Variants in PBX1 observed in about 807,000 individuals in gnomAD.
The protein encoded by PBX1 is PBX homeobox 1, also known as pre-B-cell leukemia transcription factor 1.
A neutral mutation model predicts 53.4 loss-of-function variants in PBX1; 6 were observed. That is an observed-to-expected ratio of 0.11 (90% CI 0.06 to 0.22). The LOEUF is 0.22. Among genes scored for constraint, PBX1 ranks in the 10% least tolerant of loss-of-function variants. The pLI, the probability that PBX1 is intolerant of heterozygous loss-of-function variation, is 1.00. For missense variants in PBX1, 251 were observed against 551.4 expected (o/e 0.46, Z 5.46); for synonymous variants, 204 against 212.3 (o/e 0.96, Z 0.34).
At chr1:164,702,335 G>T (rs1056754306) in intron 2 of PBX1, among the ~76,000 whole-genome samples, 2 of 152,176 alleles carry the variant, frequency 1.3e-5, no homozygotes, top group African/African-American at 4.8e-5. Flanking sequence ...ACATTCATGG[G>T]CATGGGCTCA....
intron 2 of PBX1, chr1:164,771,162 G>A (rs971327126): frequency 6.6e-6 from 1 of 152,076 alleles, no homozygotes; most frequent in South Asian, 2.1e-4. Flanking sequence ...GAACAGTTCC[G>A]ACCAGGTACT....
chr1:164,732,809 C>T (rs1665070149), intron 2 of PBX1, among the ~76,000 whole-genome samples: 1 of 152,118 alleles, frequency 6.6e-6, no homozygotes, highest in Admixed American at 6.5e-5. Flanking sequence ...ACAGAAATTA[C>T]AGAAACCTTC....
rs1671659691 is a variant in PBX1, at chr1:164,848,091, CT to C, written c.*1419del. On this transcript the variant is annotated 3_prime_UTR_variant, in exon 9 of 9. Transcript: ENST00000420696. ...TGTATAAGAACGTGGCTCATGTGAA[CT>C]TTTGCTAGCTTCATTTGAGGACCTG... 1 of 1,052,280 alleles carries C rather than the reference CT, an allele frequency of 9.5e-7. No homozygotes were observed. Among genetic ancestry groups the C allele is most frequent in the Non-Finnish European group, 1.1e-6 (1 of 871,156 alleles). The allele number at this position is 1,052,280 out of a possible 1,614,324, so 65.2% of individuals were successfully genotyped here.
In PBX1 at chr1:164,881,881, C is replaced by T. The variant is rs556476791; in HGVS notation, n.258-17307C>T. Among the ~76,000 whole-genome samples, 5 of 152,320 alleles carry T rather than the reference C, an allele frequency of 3.3e-5. No individual in the cohort carries two copies. The East Asian group carries it at 9.7e-4, about 29-fold the overall frequency. ...ACAAAGAATCTTAGAAGCTCATTCA[C>T]TTTAGCAGCAGCTCACTCCAATGAG... is the stretch of plus-strand genomic sequence containing the variant. On this transcript the variant is annotated intron_variant and non_coding_transcript_variant, in intron 2 of 2. Coordinates refer to the PBX1 transcript ENST00000558796.
chr1:164,776,942 GGAGAGAGAGA>G (rs377054240), intron 2 of PBX1, among the ~76,000 whole-genome samples: 2 of 43,566 alleles, frequency 4.6e-5, no homozygotes, highest in East Asian at 7.2e-4. Context: ...TGTGGTGGGA[GGAGAGAGAGA>G]GAGAGAGAGA....
At chr1:164,715,898 C>T (rs1227624220) in intron 2 of PBX1, among the ~76,000 whole-genome samples, 1 of 152,166 alleles carries the variant, frequency 6.6e-6, no homozygotes, top group Non-Finnish European at 1.5e-5. Flanking sequence ...TCCTCTCATG[C>T]CTACACTATG....
intron 2 of PBX1, among the ~76,000 whole-genome samples, chr1:164,605,587 T>C (rs913475684): frequency 6.6e-6 from 1 of 152,204 alleles, no homozygotes; most frequent in Admixed American, 6.5e-5. Context: ...ACCCCGTTAA[T>C]TGAAACTCCA....
intron 8 of PBX1, chr1:164,829,931 T>A (rs1199070215): frequency 6.6e-6 from 1 of 152,152 alleles, no homozygotes; most frequent in Non-Finnish European, 1.5e-5. Flanking sequence ...AGCACGTTTT[T>A]CAAAATAAAC....
At chr1:164,594,876 T>G (rs1373837058) in intron 2 of PBX1, among the ~76,000 whole-genome samples, 2 of 152,188 alleles carry the variant, frequency 1.3e-5, no homozygotes, top group East Asian at 3.9e-4. Context: ...TCCAAATATT[T>G]AATTTTATAG....
chr1:164,607,792 A>G (rs1405481697), intron 2 of PBX1, among the ~76,000 whole-genome samples: 3 of 152,224 alleles, frequency 2.0e-5, no homozygotes, highest in Non-Finnish European at 4.4e-5. Flanking sequence ...CAGAGAGGCA[A>G]GAGAAAAATC....
chr1:164,654,457 A>G (rs184910036), intron 2 of PBX1, among the ~76,000 whole-genome samples: 1 of 152,212 alleles, frequency 6.6e-6, no homozygotes, highest in Non-Finnish European at 1.5e-5. Context: ...GGCCTTTGTC[A>G]TTAAATCCAC....
At chr1:164,568,455 A>C (rs1384857787) in intron 2 of PBX1, among the ~76,000 whole-genome samples, 1 of 152,152 alleles carries the variant, frequency 6.6e-6, no homozygotes, top group Non-Finnish European at 1.5e-5. Flanking sequence ...TCATTGCCAT[A>C]TTAACCTGAT....
chr1:164,779,041 AAT>A (rs1491409555), intron 2 of PBX1, among the ~76,000 whole-genome samples: 1 of 129,378 alleles, frequency 7.7e-6, no homozygotes, highest in Non-Finnish European at 1.6e-5. Flanking sequence ...CAAAGGAGAT[AAT>A]TTTTTTTTTT....
At chr1:164,571,672 C>A (rs2101712519) in intron 2 of PBX1, among the ~76,000 whole-genome samples, 2 of 149,782 alleles carry the variant, frequency 1.3e-5, no homozygotes, top group South Asian at 4.2e-4. Flanking sequence ...AATAATACTG[C>A]TATGAACATT....
At chr1:164,877,121 G>T (rs1168042036) in intron 2 of PBX1, among the ~76,000 whole-genome samples, 1 of 150,998 alleles carries the variant, frequency 6.6e-6, no homozygotes, top group African/African-American at 2.4e-5. Flanking sequence ...TCTCATTTTA[G>T]ATGGAAACAC....
chr1:164,699,814 G>C (rs1003246406), intron 2 of PBX1, among the ~76,000 whole-genome samples: 1 of 152,140 alleles, frequency 6.6e-6, no homozygotes, highest in Non-Finnish European at 1.5e-5. Context: ...AAGCCCAGCA[G>C]AAAGGGAGCT....
chr1:164,716,968 G>A (rs556829565), intron 2 of PBX1, among the ~76,000 whole-genome samples: 1 of 152,264 alleles, frequency 6.6e-6, no homozygotes, highest in East Asian at 1.9e-4. Context: ...GTGGGGAGTT[G>A]ATAGTTAAGA....
chr1:164,797,511 A>G (rs1668847058), intron 3 of PBX1, among the ~76,000 whole-genome samples: 2 of 152,152 alleles, frequency 1.3e-5, no homozygotes, highest in Admixed American at 1.3e-4. Flanking sequence ...CTTACTATAT[A>G]GATCTCGTGT....
At chr1:164,666,857 A>G (rs1660838294) in intron 2 of PBX1, among the ~76,000 whole-genome samples, 1 of 152,228 alleles carries the variant, frequency 6.6e-6, no homozygotes, top group Non-Finnish European at 1.5e-5. Flanking sequence ...GGTTTTTATT[A>G]GATCGTCTCA....
Sources: allele counts gnomAD v4.1 joint callset (sites outside exome capture counted in the v4.1 genomes callset), GRCh38; gene constraint gnomAD v4.1.1; transcripts MANE v1.5; gene names NCBI Gene and HGNC (gene_info 2026-07-23, HGNC 2026-07-21).